Variants in TCF3 observed in about 807,000 individuals in gnomAD.
TCF3 encodes the protein transcription factor E2-alpha.
In TCF3, 54 loss-of-function variants were observed where a neutral mutation model predicts 72.3. That is an observed-to-expected ratio of 0.75 (90% CI 0.60 to 0.94). The LOEUF (loss-of-function observed/expected upper bound fraction) is 0.94, where lower values mean the gene tolerates loss of function less well. Ranked by LOEUF, TCF3 falls within the 40% of genes least tolerant of loss-of-function variation. The pLI is 0.00. For synonymous variants in TCF3, 525 were observed against 412.6 expected, an observed-to-expected ratio of 1.27 and a Z score of -3.30; for missense variants, 1,078 against 934.4, an observed-to-expected ratio of 1.15 and a Z score of -2.00.
At position 1,614,689 on chromosome 19, in the gene TCF3, C is replaced by CGGGGGGAAGGAGTCA. The variant is rs2061375190; in HGVS notation, c.1822+581_1822+595dup. 6.6e-6 allele frequency among the ~76,000 whole-genome samples: 1 copy of CGGGGGGAAGGAGTCA among 152,048 alleles called. No individual in the cohort carries two copies. The highest frequency in any genetic ancestry group is 1.5e-5 in the Non-Finnish European group (1 of 67,996). ...TTAAGGAAGCAGCCGCCAGCGCCAG[C>CGGGGGGAAGGAGTCA]GGGGGGAAGGAGTCAGCTCACATCT... On this transcript the variant is annotated intron_variant, in intron 18 of 18. Coordinates refer to ENST00000262965, the MANE Select transcript of TCF3 (RefSeq NM_003200.5). This position sits in a 1 kb window ranked among gnomAD's most constrained non-coding sequence, Gnocchi z 5.6.
intron 3 of TCF3, among the ~76,000 whole-genome samples, chr19:1,639,685 C>G (rs57858781): frequency 0.06 from 7,390 of 123,874 alleles, 580 homozygotes; most frequent in East Asian, 0.47. Flanking sequence ...ATCTAGAAAT[C>G]AAGAAAGGAC....
intron 16 of TCF3, among the ~76,000 whole-genome samples, chr19:1,617,748 T>C (rs2061700130): frequency 6.6e-6 from 1 of 152,190 alleles, no homozygotes; most frequent in Admixed American, 6.5e-5. Context: ...AGCTTGGGGC[T>C]GCCCCTGGAA....
rs1359915796 is a variant in TCF3, at chr19:1,612,387, G to A, written c.1823-538C>T. Reference sequence around the variant, plus strand: ...GCGTTATTGGCCATGCGCCTCTCCCGGTCCCTCAGGTCTTTCTCCTCCAGG... The same window carrying A: ...GCGTTATTGGCCATGCGCCTCTCCCAGTCCCTCAGGTCTTTCTCCTCCAGG... On this transcript the variant is annotated intron_variant, in intron 18 of 18. Transcript: ENST00000262965. 17 of 1,613,738 alleles carry A rather than the reference G, an allele frequency of 1.1e-5. No homozygotes were observed. The East Asian group carries it at 1.6e-4, about 15-fold the overall frequency.
rs2060922875 is a variant in TCF3, at chr19:1,610,775, G to A, written c.*932C>T. ...GCCCAGGTCAGTCCCCTTCCTGAGG[G>A]GAGAGGATGCGGCAGGGAAGCCCCA... On this transcript the variant is annotated 3_prime_UTR_variant, in exon 19 of 19. Transcript: ENST00000262965. 1.3e-5 allele frequency: 3 copies of A among 232,248 alleles called. No individual in the cohort carries two copies. Among genetic ancestry groups the A allele is most frequent in the South Asian group, 1.8e-4 (1 of 5,518 alleles). 14.4% of individuals were successfully genotyped at this position (232,248 alleles called of 1,614,324 possible).
rs114463486 is a variant in TCF3, at chr19:1,635,371, T to C, written c.146-2966A>G. Among the ~76,000 whole-genome samples, 931 of 152,280 alleles carry C rather than the reference T, an allele frequency of 6.1e-3. 16 individuals carry two copies. Among genetic ancestry groups the C allele is most frequent in the African/African-American group, 0.021 (878 of 41,544 alleles). ...TCCTCAGGCAGCCGGATGGAGCCTTTAGAAGCAAAACTTGGCTCTTCTCCC... is the reference window on the plus strand; with the variant it reads ...TCCTCAGGCAGCCGGATGGAGCCTTCAGAAGCAAAACTTGGCTCTTCTCCC... On this transcript the variant is annotated intron_variant, in intron 3 of 18. Coordinates refer to ENST00000262965, the MANE Select transcript of TCF3 (RefSeq NM_003200.5).
At position 1,650,188 on chromosome 19, in the gene TCF3, C is replaced by T. The variant is rs887570324; in HGVS notation, c.61G>A (p.Asp21Asn). 1.3e-6 allele frequency: 2 copies of T among 1,571,108 alleles called. No individual in the cohort carries two copies. The highest frequency in any genetic ancestry group is 2.3e-5 in the East Asian group (1 of 43,590). The change falls in exon 2 of 19, where the codon GAC becomes AAC. Residue 21 changes from aspartate to asparagine, a missense_variant. Coordinates refer to ENST00000262965, the MANE Select transcript of TCF3 (RefSeq NM_003200.5). ...GGGTCCTGGCTCACCATGCTGAAGT[C>T]CAGGAGGTCACTGAGCTCCTTGTCT... ...GTDKELSDLL[D>N]FSMMFPLPVT...
chr19:1,638,932 AAG>A (rs1251763500), intron 3 of TCF3, among the ~76,000 whole-genome samples: 3 of 152,254 alleles, frequency 2.0e-5, no homozygotes, highest in Non-Finnish European at 4.4e-5. Context: ...GTGCCGACCA[AAG>A]ACAGTTTTGA....
intron 5 of TCF3, among the ~76,000 whole-genome samples, chr19:1,630,324 C>A (rs1388205967): frequency 6.6e-6 from 1 of 152,172 alleles, no homozygotes; most frequent in Non-Finnish European, 1.5e-5. Context: ...ACGTGGTGGG[C>A]CCTCAGACAC....
chr19:1,647,272 CACA>C (rs1433995876), intron 2 of TCF3, among the ~76,000 whole-genome samples: 4 of 152,060 alleles, frequency 2.6e-5, no homozygotes, highest in Non-Finnish European at 5.9e-5. Flanking sequence ...CAGAAAAAAA[CACA>C]ACAAGCCTCC....
chr19:1,645,309 G>A (rs2065920057), intron 3 of TCF3, among the ~76,000 whole-genome samples: 1 of 152,050 alleles, frequency 6.6e-6, no homozygotes, highest in South Asian at 2.1e-4. Flanking sequence ...TGTCCACAAA[G>A]AGACCCGTGG....
intron 5 of TCF3, among the ~76,000 whole-genome samples, chr19:1,630,144 C>T (rs1012782680): frequency 2.0e-5 from 3 of 152,222 alleles, no homozygotes; most frequent in Admixed American, 2.0e-4. Flanking sequence ...TGGGAACTGC[C>T]CACGTCAGCC....
chr19:1,610,371 CT>C lies in TCF3; in HGVS notation c.*1335del, dbSNP rs753915951. On this transcript the variant is annotated 3_prime_UTR_variant, in exon 19 of 19. Transcript: ENST00000262965. Reference sequence around the variant, plus strand: ...GCATTGGGGGAGGCTGGCCAGGCCCCTGGCATCCTGTCTACGTCACGATGGC... The same window carrying C: ...GCATTGGGGGAGGCTGGCCAGGCCCCGGCATCCTGTCTACGTCACGATGGC... 3.1e-4 allele frequency: 72 copies of C among 230,880 alleles called. No homozygotes were observed. Among genetic ancestry groups the C allele is most frequent in the Non-Finnish European group, 5.7e-4 (67 of 116,674 alleles). 14.3% of individuals were successfully genotyped at this position (230,880 alleles called of 1,614,324 possible).
intron 2 of TCF3, among the ~76,000 whole-genome samples, chr19:1,649,623 T>C (rs1446572145): frequency 6.6e-6 from 1 of 152,054 alleles, no homozygotes; most frequent in Non-Finnish European, 1.5e-5. Flanking sequence ...GGCCTCACTA[T>C]GTTTCCTGGG....
chr19:1,629,112 A>G (rs55826735), intron 5 of TCF3, among the ~76,000 whole-genome samples: 1,886 of 65,264 alleles, frequency 0.029, 445 homozygotes, highest in East Asian at 0.25. Context: ...TCACGGGGTG[A>G]GGCGGGAAGG....
At chr19:1,646,295 T>A (rs2066084434) in intron 3 of TCF3, 60 bp downstream of exon 3, 25 of 1,516,498 alleles carry the variant, frequency 1.6e-5, no homozygotes, top group Non-Finnish European at 2.1e-5. Flanking sequence ...CCGCACACTG[T>A]CTTCAACAGA....
In TCF3 at chr19:1,644,357, C is replaced by T. The variant is rs1214771009; in HGVS notation, c.145+1998G>A. ...GGAGCTCTGCATCCTCCACCACCCCCGGGCTCAGGCGGGCGTTAACTGCAT... is the reference window on the plus strand; with the variant it reads ...GGAGCTCTGCATCCTCCACCACCCCTGGGCTCAGGCGGGCGTTAACTGCAT... On this transcript the variant is annotated intron_variant, in intron 3 of 18. Coordinates refer to ENST00000262965, the MANE Select transcript of TCF3 (RefSeq NM_003200.5). Among the ~76,000 whole-genome samples, 5 of 150,962 alleles carry T rather than the reference C, an allele frequency of 3.3e-5. 1 individual carries two copies. The South Asian group carries it at 6.3e-4, about 19-fold the overall frequency.
intron 5 of TCF3, among the ~76,000 whole-genome samples, chr19:1,631,180 T>A (rs1033377690): frequency 6.6e-6 from 1 of 152,014 alleles, no homozygotes; most frequent in Non-Finnish European, 1.5e-5. Flanking sequence ...AGGGTCCCTT[T>A]CCCACAGTGG....
chr19:1,627,193 C>T (rs2062990234), intron 6 of TCF3, among the ~76,000 whole-genome samples, 166 bp downstream of exon 6: 1 of 152,220 alleles, frequency 6.6e-6, no homozygotes, highest in South Asian at 2.1e-4. Context: ...CCCTCTGCTC[C>T]CGGTCCACAC....
At chr19:1,619,737 A>T in intron 14 of TCF3, 43 bp downstream of exon 14, 1 of 921,582 alleles carries the variant, frequency 1.1e-6, no homozygotes. Context: ...TGTCCTGCAA[A>T]TTCTGTCGGG....
Sources: gnomAD v4.1 joint callset for allele counts (sites outside exome capture counted in the v4.1 genomes callset) on GRCh38, gnomAD v4.1.1 for gene constraint, Gnocchi (gnomAD v3.1) non-coding constraint, MANE v1.5 for transcripts, NCBI Gene and HGNC (gene_info 2026-07-23, HGNC 2026-07-21) for gene names.